FXR2: variants seen among roughly 807,000 people sequenced by gnomAD.
FXR2 encodes FMR1 autosomal homolog 2.
In FXR2, 9 loss-of-function variants were observed where a neutral mutation model predicts 87.3. The observed-to-expected ratio is 0.10, with a 90% CI of 0.06 to 0.18. The LOEUF (loss-of-function observed/expected upper bound fraction) is 0.18, where lower values mean the gene tolerates loss of function less well. Among genes scored for constraint, FXR2 ranks in the 10% least tolerant of loss-of-function variants. The probability of loss-of-function intolerance (pLI) is 1.00; values close to 1 mark genes in which losing one functional copy is unlikely to be tolerated. For missense variants in FXR2, 661 were observed against 893.6 expected, an observed-to-expected ratio of 0.74 and a Z score of 3.32; for synonymous variants, 331 against 328.3, an observed-to-expected ratio of 1.01 and a Z score of -0.09.
chr17:7,591,925 C>G lies in FXR2; in HGVS notation c.1927G>C (p.Gly643Arg). ...PSEDSLSGQKGDSVSKLPKGP... is the reference protein window; with the variant it reads ...PSEDSLSGQKRDSVSKLPKGP... ...TTAGGAAGCTTGCTGACAGAGTCAC[C>G]CTGAGGGGAAAGTGGGAAAGAAAAC... The change falls in exon 17 of 17, where the codon GGT becomes CGT. Residue 643 changes from glycine (G) to arginine (R), a missense_variant and splice_region_variant. Physicochemically the swap from Gly to Arg is moderately radical, Grantham distance 125. This residue lies in a region of FXR2 where 409 missense variants were observed against 432.0 expected (regional missense o/e 0.95). Transcript: ENST00000250113. The surrounding 1 kb of genome is among the most constrained non-coding windows in gnomAD (Gnocchi z 4.0). The G allele has an allele frequency of 6.4e-7, 1 of 1,561,292 alleles. No homozygotes were observed. Among genetic ancestry groups the G allele is most frequent in the South Asian group, 1.1e-5 (1 of 89,666 alleles).
At chr17:7,612,742 A>G (rs2071879386) in intron 1 of FXR2, among the ~76,000 whole-genome samples, 2 of 152,206 alleles carry the variant, frequency 1.3e-5, no homozygotes, top group South Asian at 4.2e-4. Flanking sequence ...CACGCCTGTA[A>G]TCCCAGCACT....
chr17:7,613,399 C>G (rs567936024), intron 1 of FXR2, among the ~76,000 whole-genome samples: 2 of 152,176 alleles, frequency 1.3e-5, no homozygotes, highest in South Asian at 4.1e-4. Flanking sequence ...AGGGCTCTCT[C>G]TGGCTTAATC....
chr17:7,601,322 T>C, intron 7 of FXR2, 87 bp downstream of exon 7: 2 of 799,256 alleles, frequency 2.5e-6, no homozygotes, highest in Non-Finnish European at 4.4e-6. Context: ...GTCTTTGTTC[T>C]GTAAACACAA....
In FXR2 at chr17:7,593,459, T is replaced by C; in HGVS notation, c.1274A>G (p.Tyr425Cys). Residue 425 changes from tyrosine to cysteine, a missense_variant, in exon 12 of 17, where the codon TAT becomes TGT. Physicochemically the swap from Tyr to Cys is radical, Grantham distance 194 (BLOSUM62 -2). Transcript: ENST00000250113. The surrounding 1 kb of genome is among the most constrained non-coding windows in gnomAD (Gnocchi z 6.1). ...SSSSLHATRT[Y>C]GGSYGGRGRG... The stretch of plus-strand genomic sequence containing the variant: ...GCCACGGCCCCCATAGCTGCCCCCA[T>C]AGGTTCGAGTCGCATGGAGGGAGGA... 1.3e-6 allele frequency: 2 copies of C among 1,590,054 alleles called. No homozygotes were observed. The highest frequency in any genetic ancestry group is 1.1e-5 in the South Asian group (1 of 87,268).
chr17:7,597,813 T>TGGG (rs2071720485), intron 7 of FXR2, among the ~76,000 whole-genome samples: 1 of 150,950 alleles, frequency 6.6e-6, no homozygotes, highest in African/African-American at 2.4e-5. Flanking sequence ...AGGAAGTTGG[T>TGGG]GGGGGTGAGG....
rs928387194 is a variant in FXR2, at chr17:7,614,241, A to T, written c.81+211T>A. 10 of 688,184 alleles carry T rather than the reference A, an allele frequency of 1.5e-5. No homozygotes were observed. The Admixed American group carries it at 2.0e-4, about 14-fold the overall frequency. 42.6% of individuals were successfully genotyped at this position (688,184 alleles called of 1,614,324 possible). On this transcript the variant is annotated intron_variant, in intron 1 of 16. Transcript: ENST00000250113. Reference sequence around the variant, plus strand: ...TTCATTCTCCCGGAGATGGGGGTAGAAGCAGGTGCAGGTGCCTTAGAGGGG... The same window carrying T: ...TTCATTCTCCCGGAGATGGGGGTAGTAGCAGGTGCAGGTGCCTTAGAGGGG...
At position 7,592,016 on chromosome 17, in the gene FXR2, G is replaced by T; in HGVS notation, c.1927-91C>A. ...CATTCCCTACCATCCAAGCCCTCCT[G>T]GCATTTGGTGATCCAGAGGTTGGTT... On this transcript the variant is annotated intron_variant, in intron 16 of 16. Transcript: ENST00000250113. The surrounding 1 kb of genome is among the most constrained non-coding windows in gnomAD (Gnocchi z 4.8). 1 of 1,196,870 alleles carries T rather than the reference G, an allele frequency of 8.4e-7. No individual in the cohort carries two copies. The highest frequency in any genetic ancestry group is 1.2e-6 in the Non-Finnish European group (1 of 855,746). The allele number at this position is 1,196,870 out of a possible 1,614,324, so 74.1% of individuals were successfully genotyped here. A position where few individuals can be genotyped will look rare whatever the true frequency, so the allele number is the denominator to read the frequency against.
At chr17:7,600,426 C>T (rs979413110) in intron 7 of FXR2, among the ~76,000 whole-genome samples, 4 of 152,278 alleles carry the variant, frequency 2.6e-5, no homozygotes, top group Non-Finnish European at 4.4e-5. Context: ...TCGGATTGAT[C>T]TGCCTGCCTC....
rs2071917539 is a variant in FXR2, at chr17:7,614,366, A to G, written c.81+86T>C. The stretch of plus-strand genomic sequence containing the variant: ...ATTCTAAGGGCCAGGACTCAGCTCC[A>G]GAAGCTCGATCCCGCCCCACGCGTT... On this transcript the variant is annotated intron_variant, in intron 1 of 16. Coordinates refer to ENST00000250113, the MANE Select transcript of FXR2 (RefSeq NM_004860.4). The G allele has an allele frequency of 4.0e-6, 4 of 1,011,478 alleles. No homozygotes were observed. In the East Asian group the frequency reaches 1.1e-4, roughly 27 times the overall value. 62.7% of individuals were successfully genotyped at this position (1,011,478 alleles called of 1,614,324 possible). A position where few individuals can be genotyped will look rare whatever the true frequency, so the allele number is the denominator to read the frequency against.
Position 7,593,641 on chromosome 17 carries a change from A to T in FXR2, c.1108-16T>A. ...GCTCTACCTCCTGGTTGGGTAAAAGATGGAAGAAGGGGAAGGAGAAATAAG... is the reference window on the plus strand; with the variant it reads ...GCTCTACCTCCTGGTTGGGTAAAAGTTGGAAGAAGGGGAAGGAGAAATAAG... On this transcript the variant is annotated splice_polypyrimidine_tract_variant and intron_variant, in intron 11 of 16. Coordinates refer to ENST00000250113, the MANE Select transcript of FXR2 (RefSeq NM_004860.4). The surrounding 1 kb of genome is among the most constrained non-coding windows in gnomAD (Gnocchi z 6.1). The T allele has an allele frequency of 6.5e-7, 1 of 1,531,812 alleles. No homozygotes were observed. The highest frequency in any genetic ancestry group is 8.9e-7 in the Non-Finnish European group (1 of 1,125,790). 94.9% of individuals were successfully genotyped at this position (1,531,812 alleles called of 1,614,324 possible). A position where few individuals can be genotyped will look rare whatever the true frequency, so the allele number is the denominator to read the frequency against.
chr17:7,592,553 A>G lies in FXR2; in HGVS notation c.1776T>C (p.Arg592=). The G allele has an allele frequency of 6.2e-7, 1 of 1,613,808 alleles. No homozygotes were observed. The highest frequency in any genetic ancestry group is 8.5e-7 in the Non-Finnish European group (1 of 1,179,790). The change falls in exon 15 of 17, where the codon CGT becomes CGC. Residue 592 remains arginine, a synonymous_variant. Coordinates refer to ENST00000250113, the MANE Select transcript of FXR2 (RefSeq NM_004860.4). The surrounding 1 kb of genome is among the most constrained non-coding windows in gnomAD (Gnocchi z 4.8). Reference sequence around the variant, plus strand: ...AGCCATCAGTCCGATTACCACGGTTACGGCGGCGGCGGCTGCGATTACGAC... The same window carrying G: ...AGCCATCAGTCCGATTACCACGGTTGCGGCGGCGGCGGCTGCGATTACGAC... ...PQRRNRSRRR[R]NRGNRTDGSI...
intron 7 of FXR2, among the ~76,000 whole-genome samples, chr17:7,599,006 G>A (rs551472220): frequency 2.0e-5 from 3 of 152,218 alleles, no homozygotes; most frequent in East Asian, 1.9e-4. Flanking sequence ...ACGTGGGGGC[G>A]CGTGCCTATT....
In FXR2 at chr17:7,592,445, G is replaced by T. The variant is rs748146155; in HGVS notation, c.1825+59C>A. ...AACCCGAACCCCTGATTTTCACAGG[G>T]GTGAGCATCCCATTCTCTCAGCTCT... is the stretch of plus-strand genomic sequence containing the variant. On this transcript the variant is annotated intron_variant, in intron 15 of 16. Coordinates refer to ENST00000250113, the MANE Select transcript of FXR2 (RefSeq NM_004860.4). The surrounding 1 kb of genome is among the most constrained non-coding windows in gnomAD (Gnocchi z 4.8). The T allele has an allele frequency of 1.3e-6, 2 of 1,561,290 alleles. No individual in the cohort carries two copies. The highest frequency in any genetic ancestry group is 3.3e-5 in the Admixed American group (2 of 59,928).
In FXR2 at chr17:7,594,222, T is replaced by A. The variant is rs1384073328; in HGVS notation, c.1020+16A>T. 7.1e-7 allele frequency: 1 copy of A among 1,414,824 alleles called. No individual in the cohort carries two copies. The highest frequency in any genetic ancestry group is 1.0e-6 in the Non-Finnish European group (1 of 999,084). The allele number at this position is 1,414,824 out of a possible 1,614,324, so 87.6% of individuals were successfully genotyped here. On this transcript the variant is annotated intron_variant, in intron 10 of 16. Coordinates refer to ENST00000250113, the MANE Select transcript of FXR2 (RefSeq NM_004860.4). This position sits in a 1 kb window ranked among gnomAD's most constrained non-coding sequence, Gnocchi z 5.1. ...CTGGAAACCAATCTCTATGCCCACT[T>A]GCCCCGTACCCATACCTCCTCCCTG...
Position 7,593,319 on chromosome 17 carries a change from G to T in FXR2, c.1330+84C>A. On this transcript the variant is annotated intron_variant, in intron 12 of 16. Transcript: ENST00000250113. The surrounding 1 kb of genome is among the most constrained non-coding windows in gnomAD (Gnocchi z 6.1). ...TCACTTTTTCATCATCTCCATTCCA[G>T]ATTTCCCCAAACTTCCATCCAGACC... 7.9e-7 allele frequency: 1 copy of T among 1,262,528 alleles called. No individual in the cohort carries two copies. The highest frequency in any genetic ancestry group is 1.1e-6 in the Non-Finnish European group (1 of 912,442). 78.2% of individuals were successfully genotyped at this position (1,262,528 alleles called of 1,614,324 possible).
At chr17:7,604,423 C>A (rs552275002) in intron 3 of FXR2, among the ~76,000 whole-genome samples, 16 of 152,146 alleles carry the variant, frequency 1.1e-4, no homozygotes, top group African/African-American at 3.6e-4. Context: ...AGGCCAAGCG[C>A]GGTGGCTTAT....
At chr17:7,600,472 C>T (rs1201617508) in intron 7 of FXR2, among the ~76,000 whole-genome samples, 1 of 152,208 alleles carries the variant, frequency 6.6e-6, no homozygotes. Context: ...CGATTAAAGG[C>T]GTGAGCCACC....
Position 7,605,749 on chromosome 17 carries a change from A to C in FXR2, c.135-11T>G. ...CTCTCACTCTGCCAGCTATAATAGA[A>C]ACAATAATATGAAAAAGCTACTCTG... On this transcript the variant is annotated splice_polypyrimidine_tract_variant and intron_variant, in intron 2 of 16. Coordinates refer to ENST00000250113, the MANE Select transcript of FXR2 (RefSeq NM_004860.4). 5 of 1,459,392 alleles carry C rather than the reference A, an allele frequency of 3.4e-6. No individual in the cohort carries two copies. The highest frequency in any genetic ancestry group is 4.8e-6 in the Non-Finnish European group (5 of 1,045,146). The allele number at this position is 1,459,392 out of a possible 1,614,324, so 90.4% of individuals were successfully genotyped here.
intron 1 of FXR2, among the ~76,000 whole-genome samples, chr17:7,609,968 GTATATGTATACATATATATATA>G (rs2071842114): frequency 1.1e-5 from 1 of 93,264 alleles, no homozygotes; most frequent in Non-Finnish European, 2.9e-5. Context: ...ATATATACAT[GTATATGTATACATATATATATA>G]CATGTATATG....
Sources: allele counts gnomAD v4.1 joint callset (sites outside exome capture counted in the v4.1 genomes callset), GRCh38; gene constraint gnomAD v4.1.1; regional missense constraint gnomAD v4.1.1; non-coding constraint Gnocchi (gnomAD v3.1); transcripts MANE v1.5; gene names NCBI Gene and HGNC (gene_info 2026-07-23, HGNC 2026-07-21).